CRACR2A: variants seen among roughly 807,000 people sequenced by gnomAD.
CRACR2A encodes the protein calcium release activated channel regulator 2A.
In CRACR2A, 79 loss-of-function variants were observed where a neutral mutation model predicts 90.5. The observed-to-expected ratio is 0.87, with a 90% CI of 0.73 to 1.05. The LOEUF (loss-of-function observed/expected upper bound fraction) is 1.05. Ranked by LOEUF, CRACR2A falls within the 50% of genes least tolerant of loss-of-function variation. The probability of loss-of-function intolerance (pLI) is 0.00; values close to 1 mark genes in which losing one functional copy is unlikely to be tolerated. For missense variants in CRACR2A, 823 were observed against 897.2 expected (o/e 0.92, Z 1.06); for synonymous variants, 338 against 356.7 (o/e 0.95, Z 0.59).
At chr12:3,707,612 C>T (rs540232731) in intron 3 of CRACR2A, among the ~76,000 whole-genome samples, 70 of 152,306 alleles carry the variant, frequency 4.6e-4, no homozygotes, top group Middle Eastern at 6.8e-3. Flanking sequence ...AGATGTATTT[C>T]AAGGCGTCTG....
rs577815728 is a variant in CRACR2A at position 3,739,702 on chromosome 12, G to A, written c.-386-6492C>T. On this transcript the variant is annotated intron_variant, in intron 1 of 19. Coordinates refer to ENST00000440314, the MANE Select transcript of CRACR2A (RefSeq NM_001144958.2). ...TGTAATCCCAGCACTTTGGGAGGCC[G>A]AGGCGGGTGGATCATGAAGTCAGGA... Among the ~76,000 whole-genome samples, 7 of 152,258 alleles carry A rather than the reference G, an allele frequency of 4.6e-5. 1 individual carries two copies. The South Asian group carries it at 6.2e-4, about 14-fold the overall frequency.
At chr12:3,688,620 T>C (rs1945604562) in intron 4 of CRACR2A, among the ~76,000 whole-genome samples, 1 of 152,208 alleles carries the variant, frequency 6.6e-6, no homozygotes, top group Non-Finnish European at 1.5e-5. Flanking sequence ...AGTTGGGTAA[T>C]GTTATGCCTC....
At position 3,673,688 on chromosome 12, in the gene CRACR2A, A is replaced by G. The variant is rs552167496; in HGVS notation, c.525-96T>C. On this transcript the variant is annotated intron_variant, in intron 6 of 19. Coordinates refer to ENST00000440314, the MANE Select transcript of CRACR2A (RefSeq NM_001144958.2). ...CAGGAAACTGACAGCCAGAAACAGT[A>G]CCGTCAGAATCATTATAAAGATGAC... 4.0e-4 allele frequency: 589 copies of G among 1,462,246 alleles called. 5 individuals are homozygous for G. In the South Asian group the frequency reaches 5.5e-3, roughly 14 times the overall value. The allele number at this position is 1,462,246 out of a possible 1,614,324, so 90.6% of individuals were successfully genotyped here.
chr12:3,644,587 C>A lies in CRACR2A; in HGVS notation c.1164+8G>T, dbSNP rs1395177166. ...TCCCCCACAGGTAAGGGAGAACTGG[C>A]CAATTACCTGAAAACATATGTCCCG... On this transcript the variant is annotated splice_region_variant and intron_variant, in intron 12 of 19. Coordinates refer to ENST00000440314, the MANE Select transcript of CRACR2A (RefSeq NM_001144958.2). The A allele has an allele frequency of 2.1e-5, 32 of 1,551,218 alleles. No homozygotes were observed. The Admixed American group carries it at 5.3e-4, about 26-fold the overall frequency.
intron 7 of CRACR2A, 51 bp downstream of exon 7, chr12:3,673,393 GTC>G (rs1214253299): frequency 9.6e-6 from 15 of 1,569,982 alleles, no homozygotes; most frequent in Non-Finnish European, 1.2e-5. Context: ...TGCACCGTGT[GTC>G]TCTCTTTTTC....
intron 2 of CRACR2A, chr12:3,726,520 A>G (rs1248185766): frequency 6.6e-6 from 1 of 152,190 alleles, no homozygotes; most frequent in African/African-American, 2.4e-5. Flanking sequence ...GGGATATAGG[A>G]GGACAATAGA....
intron 11 of CRACR2A, among the ~76,000 whole-genome samples, chr12:3,647,543 C>T (rs546436238): frequency 7.9e-5 from 12 of 152,270 alleles, no homozygotes; most frequent in African/African-American, 2.9e-4. Flanking sequence ...CTAAAGTCTT[C>T]CTAAGAATCA....
chr12:3,633,509 C>T lies in CRACR2A; in HGVS notation c.1735+95G>A. 1 of 1,500,190 alleles carries T rather than the reference C, an allele frequency of 6.7e-7. No individual in the cohort carries two copies. Among genetic ancestry groups the T allele is most frequent in the Non-Finnish European group, 9.0e-7 (1 of 1,110,790 alleles). The allele number at this position is 1,500,190 out of a possible 1,614,324, so 92.9% of individuals were successfully genotyped here. A position where few individuals can be genotyped will look rare whatever the true frequency, so the allele number is the denominator to read the frequency against. ...TACTGGCCAATCCCCATGGCCCTTC[C>T]CATGGGCTTCTAACGCTCCCTGCCC... On this transcript the variant is annotated intron_variant, in intron 15 of 19. Coordinates refer to ENST00000440314, the MANE Select transcript of CRACR2A (RefSeq NM_001144958.2). The surrounding 1 kb of genome is among the most constrained non-coding windows in gnomAD (Gnocchi z 4.5).
chr12:3,719,855 C>T (rs1473953549), intron 2 of CRACR2A, among the ~76,000 whole-genome samples: 2 of 152,078 alleles, frequency 1.3e-5, no homozygotes, highest in Non-Finnish European at 2.9e-5. Flanking sequence ...CAGTGGCTCA[C>T]GCCTATAATC....
chr12:3,628,234 TTTCTTTCTTTCC>T (rs1468230505), intron 15 of CRACR2A, among the ~76,000 whole-genome samples: 7 of 151,552 alleles, frequency 4.6e-5, no homozygotes, highest in Non-Finnish European at 7.4e-5. Context: ...TCTCTCTTTC[TTTCTTTCTTTCC>T]TTCTTTCCTA....
At chr12:3,693,849 C>T (rs1945693559) in intron 4 of CRACR2A, among the ~76,000 whole-genome samples, 1 of 152,238 alleles carries the variant, frequency 6.6e-6, no homozygotes, top group South Asian at 2.1e-4. Context: ...TGCTCTCCTA[C>T]AGACGCTCCC....
chr12:3,618,314 A>G (rs1057501061), intron 18 of CRACR2A, among the ~76,000 whole-genome samples: 1 of 152,096 alleles, frequency 6.6e-6, no homozygotes, highest in African/African-American at 2.4e-5. Flanking sequence ...TTCAGACAGC[A>G]CTCTATAATC....
intron 7 of CRACR2A, among the ~76,000 whole-genome samples, chr12:3,666,956 C>A (rs888715463): frequency 9.9e-5 from 15 of 152,154 alleles, no homozygotes; most frequent in Non-Finnish European, 2.1e-4. Flanking sequence ...CATTTCTCTA[C>A]AATTTAGGTA....
chr12:3,723,524 A>C (rs542246597), intron 2 of CRACR2A, among the ~76,000 whole-genome samples: 2 of 152,034 alleles, frequency 1.3e-5, no homozygotes, highest in South Asian at 4.2e-4. Context: ...CACGTCTCTG[A>C]CTCAGTGGCA....
At chr12:3,720,459 G>GC (rs1309718092) in intron 2 of CRACR2A, among the ~76,000 whole-genome samples, 87 of 142,816 alleles carry the variant, frequency 6.1e-4, no homozygotes, top group African/African-American at 1.8e-3. Flanking sequence ...AAGAAAGAAA[G>GC]AAAGAAAGCA....
Position 3,679,055 on chromosome 12 carries a change from T to TA in CRACR2A, c.383_384insT (p.Gly129ArgfsTer2). On this transcript the variant is annotated frameshift_variant, in exon 6 of 20. Coordinates refer to ENST00000440314, the MANE Select transcript of CRACR2A (RefSeq NM_001144958.2). LOFTEE classifies it high-confidence loss of function. The stretch of plus-strand genomic sequence containing the variant: ...CATGGCGCTGGGCCACCTGTTCACC[T>TA]GCATCTTCCTGACTTGGGTTATTCT... 1 of 1,613,770 alleles carries TA rather than the reference T, an allele frequency of 6.2e-7. No homozygotes were observed. Among genetic ancestry groups the TA allele is most frequent in the Non-Finnish European group, 8.5e-7 (1 of 1,179,898 alleles).
Position 3,696,932 on chromosome 12 carries a change from G to C in CRACR2A, c.68C>G (p.Pro23Arg), listed in dbSNP as rs1436983784. The C allele has an allele frequency of 1.2e-6, 2 of 1,614,044 alleles. No homozygotes were observed. Among genetic ancestry groups the C allele is most frequent in the African/African-American group, 2.7e-5 (2 of 74,936 alleles). The change falls in exon 4 of 20, where the codon CCA (proline) becomes CGA (arginine). Residue 23 changes from proline to arginine, a missense_variant. Transcript: ENST00000440314. ...QRLGQGSGQGPKGSGACLHPL... is the reference protein window; with the variant it reads ...QRLGQGSGQGRKGSGACLHPL... The stretch of plus-strand genomic sequence containing the variant: ...ATGCAGGCAGGCTCCACTCCCCTTT[G>C]GCCCCTGGCCAGACCCCTGACCAAG...
Position 3,656,375 on chromosome 12 carries a change from T to C in CRACR2A, c.794A>G (p.Glu265Gly), listed in dbSNP as rs1268729550. The C allele has an allele frequency of 6.2e-7, 1 of 1,613,952 alleles. No individual in the cohort carries two copies. Among genetic ancestry groups the C allele is most frequent in the Non-Finnish European group, 8.5e-7 (1 of 1,180,028 alleles). The change falls in exon 9 of 20, where the codon GAG becomes GGG. Residue 265 changes from glutamate (E) to glycine (G), a missense_variant. Physicochemically the swap from Glu to Gly is moderately conservative, Grantham distance 98. Coordinates refer to ENST00000440314, the MANE Select transcript of CRACR2A (RefSeq NM_001144958.2). ...CTTACATAACAGTTTCTGCTCCAGC[T>C]CTTGACTGCGGGCTTGAAACCTCTC... is the stretch of plus-strand genomic sequence containing the variant. Reference protein sequence around the residue: ...DTERFQARSQELEQKLLCKEQ... With the variant: ...DTERFQARSQGLEQKLLCKEQ...
rs1244720385 is a variant in CRACR2A, at chr12:3,638,421, G to C, written c.1305C>G (p.Ile435Met). Residue 435 changes from isoleucine (I) to methionine (M), a missense_variant, in exon 14 of 20, where the codon ATC (isoleucine) becomes ATG (methionine). Ile to Met is a conservative substitution (Grantham distance 10). Transcript: ENST00000440314. ...TCAGGCCCAGGGAGCTTCTCCTTGG[G>C]ATGCCAAACACCTCCTCCTCCTCCT... Reference protein sequence around the residue: ...QSEEEEEVFGIPRRSSLGLSG... With the variant: ...QSEEEEEVFGMPRRSSLGLSG... 6.5e-7 allele frequency: 1 copy of C among 1,547,518 alleles called. No individual in the cohort carries two copies. Among genetic ancestry groups the C allele is most frequent in the African/African-American group, 1.4e-5 (1 of 72,874 alleles).
Sources: gnomAD v4.1 joint callset for allele counts (sites outside exome capture counted in the v4.1 genomes callset) on GRCh38, gnomAD v4.1.1 for gene constraint, Gnocchi (gnomAD v3.1) non-coding constraint, MANE v1.5 for transcripts, NCBI Gene and HGNC (gene_info 2026-07-23, HGNC 2026-07-21) for gene names.